SLC7A7: variants seen among roughly 807,000 people sequenced by gnomAD.
SLC7A7 encodes the protein Y+L amino acid transporter 1.
Under a neutral mutation model 47.9 loss-of-function variants are expected in SLC7A7, and 39 were observed. The ratio of observed to expected loss-of-function variants is 0.81; its 90% CI spans 0.63 to 1.06. The LOEUF (loss-of-function observed/expected upper bound fraction) is 1.06. Ranked by LOEUF, SLC7A7 falls within the 50% of genes least tolerant of loss-of-function variation. The probability of loss-of-function intolerance (pLI) is 0.00; values close to 1 mark genes in which losing one functional copy is unlikely to be tolerated. For synonymous variants in SLC7A7, 234 were observed against 242.8 expected (o/e 0.96, Z 0.34); for missense variants, 588 against 632.0 (o/e 0.93, Z 0.75).
chr14:22,783,421 G>A (rs1369483586), intron 2 of SLC7A7, among the ~76,000 whole-genome samples: 14 of 135,686 alleles, frequency 1.0e-4, no homozygotes, highest in South Asian at 2.4e-4. Context: ...TTTTTTTTTC[G>A]AGACAGTCTT....
At chr14:22,781,004 G>T (rs1039355400) in intron 2 of SLC7A7, among the ~76,000 whole-genome samples, 1 of 151,692 alleles carries the variant, frequency 6.6e-6, no homozygotes, top group African/African-American at 2.4e-5. Context: ...CCAGAATGTG[G>T]CCGAGAAGAA....
At chr14:22,782,625 C>A (rs1020542592) in intron 2 of SLC7A7, among the ~76,000 whole-genome samples, 2 of 151,702 alleles carry the variant, frequency 1.3e-5, no homozygotes, top group African/African-American at 4.8e-5. Context: ...CCATGCCTGG[C>A]TAATTTTTGT....
chr14:22,801,649 A>G (rs2331714), intron 2 of SLC7A7, among the ~76,000 whole-genome samples: 115,990 of 152,046 alleles, frequency 0.76, 45,528 homozygotes, highest in Non-Finnish European at 0.86. Flanking sequence ...ATGGTGGTGC[A>G]TGCCTGTAGT....
Position 22,793,590 on chromosome 14 carries a change from T to C in SLC7A7, c.500-13539A>G, listed in dbSNP as rs2139423737. ...ACTTTGGGAGCCATAGGAGGGCGGA[T>C]CACCTGAGGTCAGGAGTTCAAGACC... On this transcript the variant is annotated intron_variant, in intron 2 of 9. Transcript: ENST00000674313. 2.0e-5 allele frequency among the ~76,000 whole-genome samples: 3 copies of C among 152,102 alleles called. No homozygotes were observed. The South Asian group carries it at 6.3e-4, about 32-fold the overall frequency.
chr14:22,812,009 A>G (rs755012562), intron 2 of SLC7A7, among the ~76,000 whole-genome samples: 3 of 152,170 alleles, frequency 2.0e-5, no homozygotes, highest in South Asian at 4.1e-4. Context: ...ATGCATCCTT[A>G]AAATTCACAT....
At chr14:22,794,719 G>A (rs578233979) in intron 2 of SLC7A7, among the ~76,000 whole-genome samples, 1 of 152,082 alleles carries the variant, frequency 6.6e-6, no homozygotes, top group Non-Finnish European at 1.5e-5. Context: ...CAGAACAGTC[G>A]CAACCCTTTG....
At chr14:22,781,553 AC>A (rs1339430176) in intron 2 of SLC7A7, among the ~76,000 whole-genome samples, 10 of 152,182 alleles carry the variant, frequency 6.6e-5, no homozygotes, top group African/African-American at 2.4e-4. Context: ...GCTCCAGGCC[AC>A]CCCAGTGCTA....
Position 22,776,043 on chromosome 14 carries a change from A to G in SLC7A7, c.895-107T>C, listed in dbSNP as rs3829406. 0.12 allele frequency: 169,988 copies of G among 1,413,444 alleles called. 14,570 individuals are homozygous for G. Among genetic ancestry groups the G allele is most frequent in the African/African-American group, 0.44 (31,076 of 70,736 alleles). The allele number at this position is 1,413,444 out of a possible 1,614,324, so 87.6% of individuals were successfully genotyped here. ...TATTAGGTATTCCAACCTTTCTTCC[A>G]CAGTGGGGTTAACAGGACCTTCTTG... On this transcript the variant is annotated intron_variant, in intron 5 of 9. Transcript: ENST00000674313.
intron 3 of SLC7A7, 117 bp from the exon 4 acceptor site, chr14:22,779,054 C>T: frequency 7.9e-7 from 1 of 1,267,342 alleles, no homozygotes; most frequent in Non-Finnish European, 1.1e-6. Context: ...TGGCCTACAA[C>T]ACCTTTGGCA....
chr14:22,786,841 C>A (rs2038826038), intron 2 of SLC7A7, among the ~76,000 whole-genome samples: 1 of 152,270 alleles, frequency 6.6e-6, no homozygotes, highest in Non-Finnish European at 1.5e-5. Flanking sequence ...GAGGTTGAGG[C>A]AGGGGGATCG....
Position 22,779,930 on chromosome 14 carries a change from G to A in SLC7A7, c.621C>T (p.Gly207=). The change falls in exon 3 of 10, where the codon GGC becomes GGT. Residue 207 remains glycine, a synonymous_variant. Transcript: ENST00000674313. ...AVIVAGIVRL[G]QGASTHFENS... Reference sequence around the variant, plus strand: ...GCTACTAATATTATTTCTTACCCTGGCCAAGTCTAACAATGCCTGCAACGA... The same window carrying A: ...GCTACTAATATTATTTCTTACCCTGACCAAGTCTAACAATGCCTGCAACGA... 6.2e-7 allele frequency: 1 copy of A among 1,613,992 alleles called. No individual in the cohort carries two copies. Among genetic ancestry groups the A allele is most frequent in the Non-Finnish European group, 8.5e-7 (1 of 1,179,954 alleles).
At chr14:22,790,773 A>G (rs1158909016) in intron 2 of SLC7A7, among the ~76,000 whole-genome samples, 1 of 152,202 alleles carries the variant, frequency 6.6e-6, no homozygotes, top group East Asian at 1.9e-4. Flanking sequence ...GCGGAGGCAG[A>G]CGAATCACGA....
chr14:22,788,617 T>C (rs895182895), intron 2 of SLC7A7, among the ~76,000 whole-genome samples: 5 of 150,462 alleles, frequency 3.3e-5, no homozygotes, highest in Non-Finnish European at 5.9e-5. Flanking sequence ...GGCAGGAGAA[T>C]CGCTTGAACC....
chr14:22,818,316 A>G (rs564312607), upstream of SLC7A7, among the ~76,000 whole-genome samples: 1 of 152,244 alleles, frequency 6.6e-6, no homozygotes, highest in African/African-American at 2.4e-5. Flanking sequence ...AGGAAGTGCT[A>G]GTGGACTCTA....
chr14:22,796,669 G>A (rs1278131135), intron 2 of SLC7A7, among the ~76,000 whole-genome samples: 1 of 152,174 alleles, frequency 6.6e-6, no homozygotes, highest in Non-Finnish European at 1.5e-5. Context: ...TCCTGGTAGT[G>A]TCCTGAATGG....
At position 22,773,383 on chromosome 14, in the gene SLC7A7, C is replaced by T. The variant is rs754340252; in HGVS notation, c.*227G>A. ...AACAACCAAGCCCAAACCTGACATG[C>T]TCCTCCCCACAGTCACCTTCATTGT... On this transcript the variant is annotated 3_prime_UTR_variant, in exon 10 of 10. Transcript: ENST00000674313. 5.3e-5 allele frequency: 33 copies of T among 627,726 alleles called. No homozygotes were observed. In the East Asian group the frequency reaches 1.1e-3, roughly 21 times the overall value. The allele number at this position is 627,726 out of a possible 1,614,324, so 38.9% of individuals were successfully genotyped here. A position where few individuals can be genotyped will look rare whatever the true frequency, so the allele number is the denominator to read the frequency against.
chr14:22,794,933 A>G (rs2038984565), intron 2 of SLC7A7, among the ~76,000 whole-genome samples: 1 of 150,286 alleles, frequency 6.7e-6, no homozygotes, highest in African/African-American at 2.4e-5. Flanking sequence ...GTGACACAAG[A>G]CCCTCATCAA....
chr14:22,819,724 A>T (rs1208582017), upstream of SLC7A7: 1 of 152,510 alleles, frequency 6.6e-6, no homozygotes, highest in Non-Finnish European at 1.5e-5. Context: ...AGGAGAACCA[A>T]GCGTATCGCT....
At chr14:22,818,805 G>C (rs1472456192), upstream of SLC7A7, among the ~76,000 whole-genome samples, 12 of 151,778 alleles carry the variant, frequency 7.9e-5, no homozygotes, top group Non-Finnish European at 2.9e-5. Context: ...TGTTGTCCAG[G>C]CTGGTCTCGA....
Sources: gnomAD v4.1 joint callset for allele counts (sites outside exome capture counted in the v4.1 genomes callset) on GRCh38, gnomAD v4.1.1 for gene constraint, MANE v1.5 for transcripts, NCBI Gene and HGNC (gene_info 2026-07-23, HGNC 2026-07-21) for gene names.